The following ITGA9 variants were observed in gnomAD, a reference collection of about 807,000 sequenced individuals.
ITGA9 encodes integrin subunit alpha 9, also known as integrin alpha-9.
Under a neutral mutation model 127.8 loss-of-function variants are expected in ITGA9, and 56 were observed. That is an observed-to-expected ratio of 0.44 (90% CI 0.35 to 0.55). ITGA9 has a LOEUF of 0.55. Ranked by LOEUF, ITGA9 falls within the 20% of genes least tolerant of loss-of-function variation. ITGA9 has a pLI of 0.00. For synonymous variants in ITGA9, 508 were observed against 514.5 expected (o/e 0.99, Z 0.17); for missense variants, 1,196 against 1,347.1 (o/e 0.89, Z 1.76).
chr3:37,774,121 T>C (rs1696876012), intron 23 of ITGA9, among the ~76,000 whole-genome samples: 1 of 152,248 alleles, frequency 6.6e-6, no homozygotes, highest in African/African-American at 2.4e-5. Flanking sequence ...CAACGCCCAC[T>C]TGCGTAGCAC....
chr3:37,624,951 T>C (rs1343941286), intron 15 of ITGA9, among the ~76,000 whole-genome samples: 2 of 152,178 alleles, frequency 1.3e-5, no homozygotes, highest in Non-Finnish European at 2.9e-5. Context: ...TGCTACCCCC[T>C]TCCCAGCTCT....
At chr3:37,463,229 A>G (rs1698335334) in intron 1 of ITGA9, among the ~76,000 whole-genome samples, 1 of 152,188 alleles carries the variant, frequency 6.6e-6, no homozygotes, top group Non-Finnish European at 1.5e-5. Context: ...TAGCTTGATG[A>G]CGTATCTGTT....
At chr3:37,482,512 A>G (rs1330593273) in intron 4 of ITGA9, among the ~76,000 whole-genome samples, 2 of 152,184 alleles carry the variant, frequency 1.3e-5, no homozygotes, top group Non-Finnish European at 2.9e-5. Flanking sequence ...TCCTTCTGTA[A>G]GTGCTGGACT....
chr3:37,683,660 G>A (rs541822353), intron 17 of ITGA9, among the ~76,000 whole-genome samples: 1 of 152,290 alleles, frequency 6.6e-6, no homozygotes, highest in East Asian at 1.9e-4. Flanking sequence ...AGTGAGTTAG[G>A]CAAGGTAGAA....
chr3:37,785,092 C>G lies in ITGA9; in HGVS notation c.2889+14C>G, dbSNP rs1697023471. ...GAAGAGGTGACGGTGAGTCAGCCAC[C>G]CCAGGACAGCCCTCCTCAGAGGGCA... On this transcript the variant is annotated intron_variant, in intron 26 of 27. Transcript: ENST00000264741. 2 of 1,555,386 alleles carry G rather than the reference C, an allele frequency of 1.3e-6. No homozygotes were observed. Among genetic ancestry groups the G allele is most frequent in the Admixed American group, 1.7e-5 (1 of 59,918 alleles).
chr3:37,728,912 G>C (rs1255990778), intron 18 of ITGA9, among the ~76,000 whole-genome samples: 1 of 151,974 alleles, frequency 6.6e-6, no homozygotes, highest in African/African-American at 2.4e-5. Flanking sequence ...GGCTCAGCTG[G>C]AGTCTGCTTC....
At chr3:37,749,655 T>C (rs927585779) in intron 22 of ITGA9, 8 of 152,184 alleles carry the variant, frequency 5.3e-5, no homozygotes, top group Non-Finnish European at 1.0e-4. Context: ...TCTCAGGAAA[T>C]GATTGACTTC....
intron 18 of ITGA9, among the ~76,000 whole-genome samples, chr3:37,696,775 C>T (rs1485352120): frequency 1.3e-5 from 2 of 152,092 alleles, no homozygotes. Flanking sequence ...TGAGGCATTC[C>T]CTCTTTTATT....
At chr3:37,623,474 ACACCT>A (rs771967634) in intron 15 of ITGA9, among the ~76,000 whole-genome samples, 36 of 152,184 alleles carry the variant, frequency 2.4e-4, no homozygotes, top group Non-Finnish European at 4.4e-4. Flanking sequence ...AAATCTGGAA[ACACCT>A]CAAGGGAAAA....
chr3:37,731,336 A>G (rs931918127), intron 18 of ITGA9, among the ~76,000 whole-genome samples: 6 of 152,070 alleles, frequency 3.9e-5, no homozygotes, highest in African/African-American at 9.7e-5. Flanking sequence ...TCCTGCCTCA[A>G]CCTTAAAGAG....
At chr3:37,698,784 C>T (rs1368750867) in intron 18 of ITGA9, among the ~76,000 whole-genome samples, 1 of 152,140 alleles carries the variant, frequency 6.6e-6, no homozygotes, top group African/African-American at 2.4e-5. Flanking sequence ...GCCTTTTACA[C>T]CCTCACCAGC....
At chr3:37,520,830 G>T (rs1699037158) in intron 11 of ITGA9, among the ~76,000 whole-genome samples, 1 of 152,202 alleles carries the variant, frequency 6.6e-6, no homozygotes, top group Admixed American at 6.5e-5. Flanking sequence ...TCGGGCAGCG[G>T]TCAGGGTCAT....
Position 37,461,883 on chromosome 3 carries a change from T to G in ITGA9, c.186-9124T>G, listed in dbSNP as rs533434885. Among the ~76,000 whole-genome samples the G allele has an allele frequency of 2.6e-5, 4 of 152,320 alleles. No individual in the cohort carries two copies. In the East Asian group the frequency reaches 7.7e-4, roughly 29 times the overall value. On this transcript the variant is annotated intron_variant, in intron 1 of 27. Coordinates refer to ENST00000264741, the MANE Select transcript of ITGA9 (RefSeq NM_002207.3). ...AGCAGATGGGAGGCCACCCTTGTTATGGGGAGCTCCAGCTCCCACCCCAGG... is the reference window on the plus strand; with the variant it reads ...AGCAGATGGGAGGCCACCCTTGTTAGGGGGAGCTCCAGCTCCCACCCCAGG...
At chr3:37,670,551 A>G (rs1281997043) in intron 17 of ITGA9, among the ~76,000 whole-genome samples, 1 of 152,230 alleles carries the variant, frequency 6.6e-6, no homozygotes. Context: ...CTACAGTAAT[A>G]TTACCAGGAC....
chr3:37,810,477 G>A (rs1437165802), intron 27 of ITGA9, among the ~76,000 whole-genome samples: 2 of 151,434 alleles, frequency 1.3e-5, no homozygotes, highest in African/African-American at 2.4e-5. Flanking sequence ...GTGCAGTGGT[G>A]CAGTCTTGGC....
At chr3:37,588,690 T>G (rs531433953) in intron 15 of ITGA9, among the ~76,000 whole-genome samples, 1 of 152,242 alleles carries the variant, frequency 6.6e-6, no homozygotes, top group Non-Finnish European at 1.5e-5. Context: ...TAAGGGCCCC[T>G]CTTGCCTGGG....
At chr3:37,791,687 A>G (rs1176007843) in intron 26 of ITGA9, among the ~76,000 whole-genome samples, 1 of 152,208 alleles carries the variant, frequency 6.6e-6, no homozygotes, top group Non-Finnish European at 1.5e-5. Flanking sequence ...GGGCTGGTGC[A>G]TAGCTGCTGC....
intron 16 of ITGA9, among the ~76,000 whole-genome samples, chr3:37,634,554 A>G (rs1700259342): frequency 6.6e-6 from 1 of 152,212 alleles, no homozygotes. Context: ...GGACATAACA[A>G]TTGTAAATAT....
chr3:37,773,066 G>A (rs539318583), intron 23 of ITGA9, among the ~76,000 whole-genome samples: 133 of 152,282 alleles, frequency 8.7e-4, no homozygotes, highest in Non-Finnish European at 1.4e-3. Context: ...CTCCGCTGGC[G>A]TCTTGTGGCC....
Sources: gnomAD v4.1 joint callset for allele counts (sites outside exome capture counted in the v4.1 genomes callset) on GRCh38, gnomAD v4.1.1 for gene constraint, MANE v1.5 for transcripts, NCBI Gene and HGNC (gene_info 2026-07-23, HGNC 2026-07-21) for gene names.